Variants in LAMA2 observed in about 807,000 individuals in gnomAD.
The protein encoded by LAMA2 is laminin subunit alpha-2.
Under a neutral mutation model 364.8 loss-of-function variants are expected in LAMA2, and 269 were observed. The observed-to-expected ratio is 0.74, with a 90% CI of 0.67 to 0.82. LAMA2 has a LOEUF of 0.82. Ranked by LOEUF, LAMA2 falls within the 40% of genes least tolerant of loss-of-function variation. The probability of loss-of-function intolerance (pLI) is 0.00; values close to 1 mark genes in which losing one functional copy is unlikely to be tolerated. For missense variants in LAMA2, 3,807 were observed against 3,873.2 expected (o/e 0.98, Z 0.45); for synonymous variants, 1,379 against 1,370.6 (o/e 1.01, Z -0.14).
rs191212467 is a variant in LAMA2 at position 129,281,199 on chromosome 6, A to G, written c.2537+1052A>G. The stretch of plus-strand genomic sequence containing the variant: ...CATTTATTTGCAATCAAGAAACTAG[A>G]TATCTTTAATTGTGTGTGTGTGTCT... On this transcript the variant is annotated intron_variant, in intron 18 of 64. Coordinates refer to ENST00000421865, the MANE Select transcript of LAMA2 (RefSeq NM_000426.4). 2.0e-4 allele frequency among the ~76,000 whole-genome samples: 31 copies of G among 152,262 alleles called. No individual in the cohort carries two copies. In the East Asian group the frequency reaches 3.7e-3, roughly 18 times the overall value.
At chr6:128,906,739 G>A (rs1486424901) in intron 1 of LAMA2, among the ~76,000 whole-genome samples, 1 of 151,848 alleles carries the variant, frequency 6.6e-6, no homozygotes, top group Non-Finnish European at 1.5e-5. Context: ...GTACTGCCTA[G>A]GTTTTCTTCT....
intron 9 of LAMA2, among the ~76,000 whole-genome samples, chr6:129,176,917 C>T (rs1780630311): frequency 6.6e-6 from 1 of 152,034 alleles, no homozygotes; most frequent in East Asian, 1.9e-4. Flanking sequence ...CTAATTCTGT[C>T]ATTCTGCTTT....
intron 1 of LAMA2, among the ~76,000 whole-genome samples, chr6:128,918,253 A>G (rs1350945190): frequency 6.6e-6 from 1 of 152,174 alleles, no homozygotes; most frequent in Non-Finnish European, 1.5e-5. Context: ...TAAATTTATA[A>G]TTCAATTTAG....
chr6:129,189,219 A>G (rs1781399345), intron 10 of LAMA2, among the ~76,000 whole-genome samples: 1 of 151,390 alleles, frequency 6.6e-6, no homozygotes, highest in South Asian at 2.1e-4. Flanking sequence ...TGGAGAGAGA[A>G]GTTAGTTGTC....
chr6:129,492,228 A>G, intron 57 of LAMA2, 87 bp from the exon 58 acceptor site: 1 of 1,461,606 alleles, frequency 6.8e-7, no homozygotes, highest in Admixed American at 1.7e-5. Context: ...ACACTAATGG[A>G]CTTAAAAAGG....
At chr6:129,293,486 T>A (rs1789863686) in intron 20 of LAMA2, among the ~76,000 whole-genome samples, 3 of 152,232 alleles carry the variant, frequency 2.0e-5, no homozygotes, top group Non-Finnish European at 2.9e-5. Context: ...AGGCATTTCA[T>A]CATAATTAAG....
Position 129,445,672 on chromosome 6 carries a change from G to A in LAMA2, c.6280G>A (p.Asp2094Asn), listed in dbSNP as rs768846392. ...ACTAATTTTGTTCTATGCAGTTGCC[G>A]ATGCAGATGCCACTGTCAAAAATTT... ...KDPSKNKIIA[D>N]ADATVKNLEQ... The change falls in exon 45 of 65, where the codon GAT becomes AAT. Residue 2094 changes from aspartate to asparagine, a missense_variant. Transcript: ENST00000421865. 4 of 1,613,662 alleles carry A rather than the reference G, an allele frequency of 2.5e-6. No individual in the cohort carries two copies. The highest frequency in any genetic ancestry group is 2.2e-5 in the East Asian group (1 of 44,858).
At chr6:128,922,242 C>T in intron 1 of LAMA2, among the ~76,000 whole-genome samples, 1 of 150,880 alleles carries the variant, frequency 6.6e-6, no homozygotes, top group Non-Finnish European at 1.5e-5. Context: ...ATGGCTGGGT[C>T]AAATGGTATT....
chr6:129,480,037 C>A (rs919349039), intron 54 of LAMA2, among the ~76,000 whole-genome samples: 1 of 152,086 alleles, frequency 6.6e-6, no homozygotes, highest in Non-Finnish European at 1.5e-5. Context: ...AGCCTCTGCA[C>A]GTGGAAATTA....
chr6:129,391,202 G>A lies in LAMA2; in HGVS notation c.5072-289G>A, dbSNP rs2114671174. On this transcript the variant is annotated intron_variant, in intron 35 of 64. Coordinates refer to ENST00000421865, the MANE Select transcript of LAMA2 (RefSeq NM_000426.4). ...CACTGTTTTTTTTAAACTCTTACCT[G>A]AGTATGCTTCGACCTACTTCTTTAT... 1.3e-5 allele frequency among the ~76,000 whole-genome samples: 2 copies of A among 152,166 alleles called. 1 individual carries two copies. The highest frequency in any genetic ancestry group is 4.2e-4 in the South Asian group (2 of 4,808).
intron 62 of LAMA2, among the ~76,000 whole-genome samples, chr6:129,511,547 A>G (rs1294505251): frequency 4.6e-5 from 7 of 152,140 alleles, no homozygotes; most frequent in Non-Finnish European, 4.4e-5. Flanking sequence ...ACCATCCTTC[A>G]TTGCAGACAG....
chr6:129,278,722 T>C (rs1788502031), intron 17 of LAMA2, among the ~76,000 whole-genome samples: 2 of 152,282 alleles, frequency 1.3e-5, no homozygotes, highest in East Asian at 3.9e-4. Context: ...TTGATCCAGA[T>C]AATATTTATA....
intron 37 of LAMA2, among the ~76,000 whole-genome samples, chr6:129,397,121 A>G (rs920010594): frequency 1.3e-5 from 2 of 152,160 alleles, no homozygotes; most frequent in Non-Finnish European, 2.9e-5. Context: ...AAAGTGTCCA[A>G]TTTGCAAAGC....
intron 58 of LAMA2, among the ~76,000 whole-genome samples, chr6:129,494,941 G>A (rs141335849): frequency 6.6e-6 from 1 of 152,250 alleles, no homozygotes; most frequent in East Asian, 1.9e-4. Context: ...GGATCCTAAT[G>A]TCCACTTATA....
intron 7 of LAMA2, among the ~76,000 whole-genome samples, chr6:129,150,474 G>A (rs558717626): frequency 6.6e-6 from 1 of 152,152 alleles, no homozygotes; most frequent in African/African-American, 2.4e-5. Context: ...TTCACACAGT[G>A]ATAATTGTGT....
intron 1 of LAMA2, among the ~76,000 whole-genome samples, chr6:128,956,035 C>T (rs72983384): frequency 0.07 from 10,614 of 151,784 alleles, 449 homozygotes; most frequent in South Asian, 0.12. Flanking sequence ...TCATAAATTT[C>T]GCTACCACTT....
chr6:129,155,595 G>A (rs1014076091), intron 8 of LAMA2, among the ~76,000 whole-genome samples: 6 of 152,018 alleles, frequency 3.9e-5, no homozygotes, highest in African/African-American at 1.4e-4. Flanking sequence ...TCAAGTAAAT[G>A]TTTGTGTGTG....
intron 3 of LAMA2, among the ~76,000 whole-genome samples, chr6:129,068,591 T>TACCA (rs1260928201): frequency 6.6e-6 from 1 of 152,184 alleles, no homozygotes; most frequent in Non-Finnish European, 1.5e-5. Context: ...CATCACCTAA[T>TACCA]ACCATCACAT....
In LAMA2 at chr6:128,998,393, G is replaced by A. The variant is rs540405797; in HGVS notation, c.113-51525G>A. ...GTCAGAAGTATGATGACAGGGGGAGGAGCCAAGATGGCCGAATAGGAACAG... is the reference window on the plus strand; with the variant it reads ...GTCAGAAGTATGATGACAGGGGGAGAAGCCAAGATGGCCGAATAGGAACAG... On this transcript the variant is annotated intron_variant, in intron 1 of 64. Transcript: ENST00000421865. 5.8e-5 allele frequency among the ~76,000 whole-genome samples: 4 copies of A among 69,158 alleles called. 1 individual carries two copies. Among genetic ancestry groups the A allele is most frequent in the African/African-American group, 1.4e-4 (1 of 7,348 alleles). The allele number at this position is 69,158 out of a possible 152,430, so 45.4% of individuals were successfully genotyped here.
Sources: gnomAD v4.1 joint callset for allele counts (sites outside exome capture counted in the v4.1 genomes callset) on GRCh38, gnomAD v4.1.1 for gene constraint, MANE v1.5 for transcripts, NCBI Gene and HGNC (gene_info 2026-07-23, HGNC 2026-07-21) for gene names.